The following EXPH5 variants were observed in gnomAD, a reference collection of about 807,000 sequenced individuals.
EXPH5 encodes the protein exophilin-5.
A neutral mutation model predicts 41.1 loss-of-function variants in EXPH5; 42 were observed. That is an observed-to-expected ratio of 1.02 (90% CI 0.80 to 1.32). The LOEUF (loss-of-function observed/expected upper bound fraction) is 1.32. Among genes scored for constraint, EXPH5 ranks in the 40% most tolerant of loss-of-function variants. EXPH5 has a pLI of 0.00. For synonymous variants in EXPH5, 798 were observed against 833.5 expected (o/e 0.96, Z 0.73); for missense variants, 2,298 against 2,314.5 (o/e 0.99, Z 0.15).
rs775963510 is a variant in EXPH5 at position 108,518,392 on chromosome 11, A to G, written c.493-19T>C. ...TTGCCTGCTAATTTTAAAGCAGAGA[A>G]CACAATATTATTTCTGAGCCTTCAC... On this transcript the variant is annotated intron_variant, in intron 4 of 5. Coordinates refer to ENST00000265843, the MANE Select transcript of EXPH5 (RefSeq NM_015065.3). 42 of 1,611,614 alleles carry G rather than the reference A, an allele frequency of 2.6e-5. 1 individual carries two copies. In the South Asian group the frequency reaches 3.4e-4, roughly 13 times the overall value.
At chr11:108,515,132 G>A (rs1676701527) in intron 5 of EXPH5, among the ~76,000 whole-genome samples, 1 of 151,762 alleles carries the variant, frequency 6.6e-6, no homozygotes, top group South Asian at 2.1e-4. Flanking sequence ...TAAGGAAATT[G>A]AACTATATTC....
chr11:108,577,223 TG>T (rs775623615), intron 1 of EXPH5, among the ~76,000 whole-genome samples: 1 of 152,200 alleles, frequency 6.6e-6, no homozygotes, highest in East Asian at 1.9e-4. Flanking sequence ...GAGATCTTTT[TG>T]ATACACTGAT....
Position 108,583,685 on chromosome 11 carries a change from AT to A in EXPH5, c.119+9732del, listed in dbSNP as rs201111933. On this transcript the variant is annotated intron_variant, in intron 1 of 5. Transcript: ENST00000265843. ...AAAAAAAATTAACAAAAAAATAAAA[AT>A]AAAAAAGTCATCTACAAAAAAATCA... Among the ~76,000 whole-genome samples the A allele has an allele frequency of 2.8e-4, 42 of 152,108 alleles. 1 individual carries two copies. The highest frequency in any genetic ancestry group is 8.3e-4 in the South Asian group (4 of 4,816).
Position 108,524,314 on chromosome 11 carries a change from A to T in EXPH5, c.492+3822T>A, listed in dbSNP as rs566257117. ...ACCCATTGCCTAGGGTTGCTGTAAG[A>T]ATTAGGTGAATTAATATTAATAGTT... On this transcript the variant is annotated intron_variant, in intron 4 of 5. Transcript: ENST00000265843. Among the ~76,000 whole-genome samples the T allele has an allele frequency of 5.3e-5, 8 of 152,322 alleles. No individual in the cohort carries two copies. In the South Asian group the frequency reaches 1.7e-3, roughly 32 times the overall value.
rs772117559 is a variant in EXPH5, at chr11:108,514,807, G to A, written c.700C>T (p.Leu234Phe). ...AACTGTGTTCTTGATCCATAGTTGA[G>A]GGGTGTTCTGGTATTCACTGAGCTT... is the stretch of plus-strand genomic sequence containing the variant. ...SASSVNTRTPLNYGSRTQFGH... is the reference protein window; with the variant it reads ...SASSVNTRTPFNYGSRTQFGH... Residue 234 changes from leucine to phenylalanine, a missense_variant, in exon 6 of 6, where the codon CTC becomes TTC. Coordinates refer to ENST00000265843, the MANE Select transcript of EXPH5 (RefSeq NM_015065.3). 24 of 1,588,996 alleles carry A rather than the reference G, an allele frequency of 1.5e-5. No individual in the cohort carries two copies. Among genetic ancestry groups the A allele is most frequent in the Admixed American group, 3.7e-5 (2 of 54,154 alleles).
chr11:108,544,852 A>G (rs915801803), intron 1 of EXPH5, among the ~76,000 whole-genome samples: 2 of 152,122 alleles, frequency 1.3e-5, no homozygotes, highest in African/African-American at 4.8e-5. Context: ...AATGGAAAAC[A>G]CCTGATGTTT....
chr11:108,577,674 C>T (rs911221525), intron 1 of EXPH5, among the ~76,000 whole-genome samples: 3 of 152,172 alleles, frequency 2.0e-5, no homozygotes, highest in East Asian at 1.9e-4. Context: ...CTGCCCGCCT[C>T]GGCCTCCCAA....
chr11:108,584,545 G>T (rs1457113705), intron 1 of EXPH5, among the ~76,000 whole-genome samples: 1 of 151,788 alleles, frequency 6.6e-6, no homozygotes, highest in African/African-American at 2.4e-5. Context: ...CAGTAATCAG[G>T]ATACCATAGT....
the EXPH5 span, among the ~76,000 whole-genome samples, chr11:108,607,290 AACTG>A: frequency 6.6e-6 from 1 of 152,232 alleles, no homozygotes; most frequent in African/African-American, 2.4e-5. Context: ...TTATTTTTCA[AACTG>A]ACTTAGGCCT....
chr11:108,515,526 T>A (rs1319619781), intron 5 of EXPH5, among the ~76,000 whole-genome samples: 1 of 147,354 alleles, frequency 6.8e-6, no homozygotes, highest in Non-Finnish European at 1.5e-5. Context: ...TAATACCCAT[T>A]AACACTCCTA....
At chr11:108,564,183 GA>G (rs1315498817) in intron 1 of EXPH5, among the ~76,000 whole-genome samples, 1 of 152,124 alleles carries the variant, frequency 6.6e-6, no homozygotes, top group African/African-American at 2.4e-5. Flanking sequence ...AGTTATTCAG[GA>G]GGCTGAGGCA....
rs534492802 is a variant in EXPH5 at position 108,534,687 on chromosome 11, G to A, written c.443+4337C>T. 2.0e-5 allele frequency among the ~76,000 whole-genome samples: 3 copies of A among 152,266 alleles called. No homozygotes were observed. The South Asian group carries it at 6.2e-4, about 32-fold the overall frequency. ...GTGGTTCTACATGTTTTCCTGGCAGGAACATCATGTGTCACCATAGTACTC... is the reference window on the plus strand; with the variant it reads ...GTGGTTCTACATGTTTTCCTGGCAGAAACATCATGTGTCACCATAGTACTC... On this transcript the variant is annotated intron_variant, in intron 3 of 5. Coordinates refer to ENST00000265843, the MANE Select transcript of EXPH5 (RefSeq NM_015065.3).
chr11:108,547,053 G>A (rs548740297), intron 1 of EXPH5, among the ~76,000 whole-genome samples: 72 of 152,072 alleles, frequency 4.7e-4, no homozygotes, highest in African/African-American at 1.5e-3. Flanking sequence ...CACCTCCCTC[G>A]GCCTCCCAAA....
At position 108,505,550 on chromosome 11, in the gene EXPH5, CAA is replaced by C. The variant is rs1457619323; in HGVS notation, c.*3985_*3986del. 1.3e-5 allele frequency: 2 copies of C among 152,066 alleles called. No individual in the cohort carries two copies. The highest frequency in any genetic ancestry group is 3.9e-4 in the East Asian group (2 of 5,194). The allele number at this position is 152,066 out of a possible 1,614,324, so 9.4% of individuals were successfully genotyped here. ...ACAAGTACATAAAAGGATTATTTGA[CAA>C]AGTTTTAACAAAAGTGCTTACAGCT... On this transcript the variant is annotated 3_prime_UTR_variant, in exon 6 of 6. Coordinates refer to ENST00000265843, the MANE Select transcript of EXPH5 (RefSeq NM_015065.3).
intron 4 of EXPH5, among the ~76,000 whole-genome samples, chr11:108,520,553 G>GA: frequency 8.4e-6 from 1 of 118,706 alleles, no homozygotes; most frequent in Non-Finnish European, 1.6e-5. Flanking sequence ...CTTTATTATT[G>GA]TTTTATTTAT....
chr11:108,599,915 A>G, the EXPH5 span, among the ~76,000 whole-genome samples: 1 of 152,218 alleles, frequency 6.6e-6, no homozygotes. Context: ...GATTTTGGAA[A>G]GTTTTCAGTA....
upstream of EXPH5, among the ~76,000 whole-genome samples, chr11:108,597,059 A>C (rs77466173): frequency 8.9e-3 from 1,359 of 152,232 alleles, 24 homozygotes; most frequent in African/African-American, 0.03. Context: ...GATCTTTAGA[A>C]ATCTCTCATA....
intron 1 of EXPH5, among the ~76,000 whole-genome samples, chr11:108,562,312 G>A (rs1311584215): frequency 6.8e-6 from 1 of 146,570 alleles, no homozygotes; most frequent in African/African-American, 2.6e-5. Context: ...ATTACATCAG[G>A]CCGGGCTGGG....
Position 108,509,887 on chromosome 11 carries a change from G to C in EXPH5, c.5620C>G (p.Pro1874Ala). The change falls in exon 6 of 6, where the codon CCC becomes GCC. Residue 1874 changes from proline to alanine, a missense_variant. Transcript: ENST00000265843. Reference protein sequence around the residue: ...WAYRSGTKTGPRSAISIYRPI... With the variant: ...WAYRSGTKTGARSAISIYRPI... ...CTGTATATAGATATTGCAGACCTGG[G>C]ACCTGTTTTTGTCCCGCTGCGATAA... 1 of 1,608,978 alleles carries C rather than the reference G, an allele frequency of 6.2e-7. No individual in the cohort carries two copies.
Sources: gnomAD v4.1 joint callset for allele counts (sites outside exome capture counted in the v4.1 genomes callset) on GRCh38, gnomAD v4.1.1 for gene constraint, MANE v1.5 for transcripts, NCBI Gene and HGNC (gene_info 2026-07-23, HGNC 2026-07-21) for gene names.